The following HDAC9 variants were observed in gnomAD, a reference collection of about 807,000 sequenced individuals.
The protein encoded by HDAC9 is MEF-2 interacting transcription repressor (MITR) protein.
Under a neutral mutation model 139.4 loss-of-function variants are expected in HDAC9, and 41 were observed. The ratio of observed to expected loss-of-function variants is 0.29; its 90% CI spans 0.23 to 0.38. The LOEUF (loss-of-function observed/expected upper bound fraction) is 0.38. HDAC9 is among the 10% of genes least tolerant of loss of function. HDAC9 has a pLI of 1.00. For synonymous variants in HDAC9, 517 were observed against 476.2 expected (o/e 1.09, Z -1.12); for missense variants, 1,147 against 1,297.0 (o/e 0.88, Z 1.78).
chr7:18,988,238 T>G (rs1785540838), intron 25 of HDAC9, among the ~76,000 whole-genome samples: 1 of 152,168 alleles, frequency 6.6e-6, no homozygotes, highest in African/African-American at 2.4e-5. Context: ...CTTTGAATGC[T>G]TCCCAGAGAT....
At chr7:18,435,174 T>C (rs1227274913) in intron 1 of HDAC9, among the ~76,000 whole-genome samples, 1 of 150,716 alleles carries the variant, frequency 6.6e-6, no homozygotes, top group Non-Finnish European at 1.5e-5. Context: ...AAGTACTGCA[T>C]ATTCTTACTT....
At chr7:18,588,949 A>G (rs977742547) in intron 3 of HDAC9, among the ~76,000 whole-genome samples, 1 of 152,138 alleles carries the variant, frequency 6.6e-6, no homozygotes, top group Non-Finnish European at 1.5e-5. Flanking sequence ...GGGATGCCCA[A>G]CCTATAATAA....
intron 12 of HDAC9, among the ~76,000 whole-genome samples, chr7:18,716,584 T>G (rs1454195887): frequency 6.6e-6 from 1 of 152,012 alleles, no homozygotes; most frequent in East Asian, 1.9e-4. Context: ...ACCAAATTAG[T>G]AATTTATTTT....
At chr7:18,259,458 G>T (rs1307046635) in intron 2 of HDAC9, among the ~76,000 whole-genome samples, 1 of 152,154 alleles carries the variant, frequency 6.6e-6, no homozygotes, top group Non-Finnish European at 1.5e-5. Flanking sequence ...TGCCTCCCAG[G>T]CTCCAGAGAT....
intron 13 of HDAC9, among the ~76,000 whole-genome samples, chr7:18,746,631 T>C (rs1424062354): frequency 6.6e-6 from 1 of 152,192 alleles, no homozygotes; most frequent in Admixed American, 6.5e-5. Context: ...ACCAATTAAT[T>C]CATTGAGGAA....
At chr7:18,666,848 G>A in intron 12 of HDAC9, 1 of 1,048,064 alleles carries the variant, frequency 9.5e-7, no homozygotes, top group Non-Finnish European at 1.2e-6. Context: ...TATGTGTTGA[G>A]ATCAGTGACT....
intron 25 of HDAC9, among the ~76,000 whole-genome samples, chr7:18,991,441 T>C (rs996707427): frequency 1.6e-4 from 25 of 152,066 alleles, no homozygotes; most frequent in Non-Finnish European, 2.9e-4. Context: ...ATCAAGACCA[T>C]CCTGGCTAAC....
intron 11 of HDAC9, among the ~76,000 whole-genome samples, chr7:18,663,463 A>C (rs1793844794): frequency 6.6e-6 from 1 of 150,732 alleles, no homozygotes; most frequent in African/African-American, 2.4e-5. Context: ...CCTCCCCCTC[A>C]CCCCCCAGTA....
At chr7:18,680,858 A>G (rs1318786722) in intron 12 of HDAC9, among the ~76,000 whole-genome samples, 1 of 151,998 alleles carries the variant, frequency 6.6e-6, no homozygotes, top group Non-Finnish European at 1.5e-5. Flanking sequence ...GATACAAACC[A>G]CTGAAATTTT....
chr7:18,095,163 G>T (rs1279370797), intron 1 of HDAC9, among the ~76,000 whole-genome samples: 1 of 152,010 alleles, frequency 6.6e-6, no homozygotes, highest in Admixed American at 6.6e-5. Context: ...GTGCTTCTCT[G>T]CCCTACTTTT....
chr7:18,875,002 T>C (rs1350780452), intron 22 of HDAC9, among the ~76,000 whole-genome samples: 1 of 152,146 alleles, frequency 6.6e-6, no homozygotes, highest in African/African-American at 2.4e-5. Context: ...CTTAATAATA[T>C]TATGCACTTC....
chr7:18,820,384 A>C (rs1328420231), intron 17 of HDAC9, among the ~76,000 whole-genome samples: 1 of 152,234 alleles, frequency 6.6e-6, no homozygotes, highest in East Asian at 1.9e-4. Flanking sequence ...TAGGAGACTC[A>C]GAATTCGGTG....
At chr7:18,148,436 C>T (rs1015014424) in intron 1 of HDAC9, among the ~76,000 whole-genome samples, 1 of 152,148 alleles carries the variant, frequency 6.6e-6, no homozygotes, top group Non-Finnish European at 1.5e-5. Context: ...TGACTGTATT[C>T]TGCCTCTCCC....
chr7:18,847,674 C>G (rs1169552150), intron 21 of HDAC9, among the ~76,000 whole-genome samples: 1 of 152,188 alleles, frequency 6.6e-6, no homozygotes, highest in African/African-American at 2.4e-5. Flanking sequence ...AGCCAAGAAG[C>G]AAAAACGAGG....
Position 18,870,855 on chromosome 7 carries a change from A to T in HDAC9, c.2685-3623A>T, listed in dbSNP as rs559865974. The stretch of plus-strand genomic sequence containing the variant: ...TGTGTGGCTAATCTTTTTTGGAGAG[A>T]TGGGGTCTCTCTGTGTTACCCAGGG... On this transcript the variant is annotated intron_variant, in intron 21 of 25. Transcript: ENST00000686413. 1.8e-4 allele frequency among the ~76,000 whole-genome samples: 27 copies of T among 152,120 alleles called. No homozygotes were observed. The South Asian group carries it at 5.0e-3, about 28-fold the overall frequency.
intron 13 of HDAC9, among the ~76,000 whole-genome samples, chr7:18,730,130 T>A (rs890672285): frequency 4.6e-5 from 7 of 152,212 alleles, no homozygotes; most frequent in African/African-American, 1.7e-4. Flanking sequence ...TTTATAATAA[T>A]AGCTTCTCCA....
chr7:18,540,528 C>A (rs1408199246), intron 2 of HDAC9, among the ~76,000 whole-genome samples: 2 of 152,070 alleles, frequency 1.3e-5, no homozygotes, highest in African/African-American at 2.4e-5. Context: ...CCAGCATATA[C>A]TATTAAAAAG....
rs1183709080 is a variant in HDAC9 at position 18,648,406 on chromosome 7, GTGTA to G, written c.1250-56_1250-53del. On this transcript the variant is annotated intron_variant, in intron 10 of 25. Transcript: ENST00000686413. ...TATCTTTTCTTAAAATTGTGTGTGT[GTGTA>G]TGTGTGTGTGTGTGTGTGTGTGTAT... 292 of 1,023,928 alleles carry G rather than the reference GTGTA, an allele frequency of 2.9e-4. 1 individual carries two copies. Among genetic ancestry groups the G allele is most frequent in the East Asian group, 2.4e-3 (75 of 30,958 alleles). 63.4% of individuals were successfully genotyped at this position (1,023,928 alleles called of 1,614,324 possible).
intron 1 of HDAC9, among the ~76,000 whole-genome samples, chr7:18,360,660 T>C (rs1783704250): frequency 6.6e-6 from 1 of 152,210 alleles, no homozygotes; most frequent in African/African-American, 2.4e-5. Flanking sequence ...AAGAGTAATA[T>C]ATTCCTTTCA....
Sources: gnomAD v4.1 joint callset for allele counts (sites outside exome capture counted in the v4.1 genomes callset) on GRCh38, gnomAD v4.1.1 for gene constraint, MANE v1.5 for transcripts, NCBI Gene and HGNC (gene_info 2026-07-23, HGNC 2026-07-21) for gene names.